CADPS: variants seen among roughly 807,000 people sequenced by gnomAD.
CADPS encodes the protein calcium-dependent secretion activator 1.
In CADPS, 57 loss-of-function variants were observed where a neutral mutation model predicts 167.3. The observed-to-expected ratio is 0.34, with a 90% CI of 0.28 to 0.42. CADPS has a LOEUF of 0.42. CADPS is among the 20% of genes least tolerant of loss of function. CADPS has a pLI of 1.00. For missense variants in CADPS, 1,414 were observed against 1,738.1 expected (o/e 0.81, Z 3.32); for synonymous variants, 676 against 635.3 (o/e 1.06, Z -0.96).
In CADPS at chr3:62,481,855, T is replaced by C; in HGVS notation, c.3041A>G (p.Asn1014Ser). The part of the protein sequence containing the change: ...SWEPVKSLTS[N>S]LPNVNLPNVN... ...ATTGGGTAGGTTCACATTGGGTAGG[T>C]TACTGGTTAAACTCCTGTGGAAGAA... is the stretch of plus-strand genomic sequence containing the variant. Residue 1014 changes from asparagine (N) to serine (S), a missense_variant, in exon 22 of 30, where the codon AAC becomes AGC. Asn to Ser is a conservative substitution (Grantham distance 46). This residue lies in a region of CADPS where 529 missense variants were observed against 629.6 expected (regional missense o/e 0.84). Coordinates refer to ENST00000383710, the MANE Select transcript of CADPS (RefSeq NM_003716.4). 1 of 1,609,982 alleles carries C rather than the reference T, an allele frequency of 6.2e-7. No homozygotes were observed. The highest frequency in any genetic ancestry group is 2.2e-5 in the East Asian group (1 of 44,664).
chr3:62,866,656 C>T (rs2081752867), intron 1 of CADPS, among the ~76,000 whole-genome samples: 1 of 152,000 alleles, frequency 6.6e-6, no homozygotes, highest in Non-Finnish European at 1.5e-5. Context: ...GTGAGGACGA[C>T]ATTTTGCAAT....
chr3:62,689,433 AGT>A (rs1308911498), intron 3 of CADPS, among the ~76,000 whole-genome samples: 1 of 152,106 alleles, frequency 6.6e-6, no homozygotes, highest in Non-Finnish European at 1.5e-5. Flanking sequence ...CTGCTGTAAA[AGT>A]GTGCAAGGAG....
At chr3:62,852,695 C>G (rs1368323212) in intron 1 of CADPS, among the ~76,000 whole-genome samples, 1 of 152,144 alleles carries the variant, frequency 6.6e-6, no homozygotes, top group Non-Finnish European at 1.5e-5. Flanking sequence ...GAAGATGATC[C>G]ATAATTTCCA....
At chr3:62,755,384 T>G (rs147613371) in intron 2 of CADPS, among the ~76,000 whole-genome samples, 1 of 152,206 alleles carries the variant, frequency 6.6e-6, no homozygotes, top group Non-Finnish European at 1.5e-5. Context: ...TACAAGGCAG[T>G]GAAGCCGCCG....
At chr3:62,796,269 G>C (rs1007934131) in intron 1 of CADPS, 2 of 152,356 alleles carry the variant, frequency 1.3e-5, no homozygotes, top group African/African-American at 4.8e-5. Flanking sequence ...GGTGGTCCCT[G>C]CTAGCAGGAG....
intron 1 of CADPS, among the ~76,000 whole-genome samples, chr3:62,817,310 G>C (rs978129134): frequency 2.0e-5 from 3 of 152,130 alleles, no homozygotes; most frequent in Non-Finnish European, 4.4e-5. Flanking sequence ...ATGATGGTGA[G>C]CATCGCAAAT....
At chr3:62,501,502 C>A (rs549520252) in intron 17 of CADPS, among the ~76,000 whole-genome samples, 1 of 152,074 alleles carries the variant, frequency 6.6e-6, no homozygotes, top group Admixed American at 6.6e-5. Flanking sequence ...ATTACCCATT[C>A]GACACATACA....
intron 13 of CADPS, among the ~76,000 whole-genome samples, chr3:62,522,799 A>G (rs62243494): frequency 0.045 from 6,825 of 152,182 alleles, 162 homozygotes; most frequent in Non-Finnish European, 0.048. Context: ...ACTGGCTAAC[A>G]ACTCGCTTCT....
intron 1 of CADPS, among the ~76,000 whole-genome samples, chr3:62,871,524 C>T (rs992363900): frequency 6.6e-6 from 1 of 152,064 alleles, no homozygotes; most frequent in Non-Finnish European, 1.5e-5. Context: ...TAGCCAGTAT[C>T]TCATATTAAA....
chr3:62,866,345 C>T (rs1209113804), intron 1 of CADPS, among the ~76,000 whole-genome samples: 4 of 151,998 alleles, frequency 2.6e-5, no homozygotes, highest in African/African-American at 9.7e-5. Flanking sequence ...TATTTCCTCT[C>T]TTTAGAAGCT....
rs898022808 is a variant in CADPS at position 62,862,310 on chromosome 3, G to A, written c.441+12279C>T. ...CGGCTCACTGCAACCTCCGCCTCCC[G>A]GGTTCAAGTGATTCTTCTGCCTCAA... is the stretch of plus-strand genomic sequence containing the variant. On this transcript the variant is annotated intron_variant, in intron 1 of 29. Coordinates refer to ENST00000383710, the MANE Select transcript of CADPS (RefSeq NM_003716.4). Among the ~76,000 whole-genome samples, 8 of 148,262 alleles carry A rather than the reference G, an allele frequency of 5.4e-5. No homozygotes were observed. In the South Asian group the frequency reaches 7.0e-4, roughly 13 times the overall value.
intron 1 of CADPS, among the ~76,000 whole-genome samples, chr3:62,835,244 TA>T (rs1553745181): frequency 6.6e-6 from 1 of 152,074 alleles, no homozygotes; most frequent in Non-Finnish European, 1.5e-5. Context: ...TATCTCAAAA[TA>T]AAAAATAAAG....
At chr3:62,629,845 T>C (rs967004112) in intron 6 of CADPS, among the ~76,000 whole-genome samples, 8 of 152,072 alleles carry the variant, frequency 5.3e-5, no homozygotes, top group Non-Finnish European at 1.0e-4. Flanking sequence ...ACTTGCTTTT[T>C]TTCTTCCTTG....
At chr3:62,830,255 C>T (rs1418301565) in intron 1 of CADPS, among the ~76,000 whole-genome samples, 2 of 152,142 alleles carry the variant, frequency 1.3e-5, no homozygotes, top group East Asian at 1.9e-4. Flanking sequence ...TAATTCTCCC[C>T]CTCCCCTAGC....
At chr3:62,854,757 A>G (rs1465540114) in intron 1 of CADPS, among the ~76,000 whole-genome samples, 1 of 152,184 alleles carries the variant, frequency 6.6e-6, no homozygotes, top group East Asian at 1.9e-4. Flanking sequence ...TCCTGTTTGT[A>G]CTTGATAAAT....
Position 62,478,250 on chromosome 3 carries a change from C to T in CADPS, c.3329+11G>A. 6.2e-7 allele frequency: 1 copy of T among 1,613,490 alleles called. No homozygotes were observed. Among genetic ancestry groups the T allele is most frequent in the South Asian group, 1.1e-5 (1 of 91,040 alleles). On this transcript the variant is annotated intron_variant, in intron 23 of 29. Transcript: ENST00000383710. The surrounding 1 kb of genome is among the most constrained non-coding windows in gnomAD (Gnocchi z 5.7). The stretch of plus-strand genomic sequence containing the variant: ...AGGGTGTGCAGAACCTGTCCAGCCA[C>T]CTATACTTACCTTTTGACACAAGAT...
intron 1 of CADPS, among the ~76,000 whole-genome samples, chr3:62,811,115 G>T (rs1341806528): frequency 6.6e-6 from 1 of 152,184 alleles, no homozygotes; most frequent in African/African-American, 2.4e-5. Flanking sequence ...AACAAAAGCT[G>T]AATCAGTGAT....
intron 21 of CADPS, among the ~76,000 whole-genome samples, chr3:62,482,603 G>C (rs112024370): frequency 0.014 from 2,183 of 152,270 alleles, 35 homozygotes; most frequent in Non-Finnish European, 0.018. Flanking sequence ...CAGACACCAA[G>C]GAAATGAAAA....
chr3:62,654,313 C>G (rs1158313460), intron 4 of CADPS, among the ~76,000 whole-genome samples: 2 of 152,122 alleles, frequency 1.3e-5, no homozygotes, highest in Non-Finnish European at 2.9e-5. Context: ...AGATCTATAA[C>G]AGAACATCAA....
Sources: gnomAD v4.1 joint callset for allele counts (sites outside exome capture counted in the v4.1 genomes callset) on GRCh38, gnomAD v4.1.1 for gene constraint, gnomAD v4.1.1 regional missense constraint, Gnocchi (gnomAD v3.1) non-coding constraint, MANE v1.5 for transcripts, NCBI Gene and HGNC (gene_info 2026-07-23, HGNC 2026-07-21) for gene names.